The following NUAK1 variants were observed in gnomAD, a reference collection of about 807,000 sequenced individuals.
NUAK1 encodes NUAK family kinase 1.
NUAK1 carries 26 observed loss-of-function variants against 56.9 expected under a neutral mutation model. That is an observed-to-expected ratio of 0.46 (90% confidence interval 0.33 to 0.63). The LOEUF (loss-of-function observed/expected upper bound fraction) is 0.63, where lower values mean the gene tolerates loss of function less well. NUAK1 is among the 30% of genes least tolerant of loss of function. The pLI is 0.02. For missense variants in NUAK1, 727 were observed against 876.1 expected, an observed-to-expected ratio of 0.83 and a Z score of 2.15; for synonymous variants, 337 against 336.0, an observed-to-expected ratio of 1.00 and a Z score of -0.03.
chr12:106,137,199 A>AT (rs932547024), intron 1 of NUAK1, among the ~76,000 whole-genome samples: 4 of 151,926 alleles, frequency 2.6e-5, no homozygotes, highest in African/African-American at 9.7e-5. Flanking sequence ...TGGCACCCCC[A>AT]TGTTTTTTTC....
At chr12:106,082,970 C>G (rs2032533392) in intron 4 of NUAK1, among the ~76,000 whole-genome samples, 1 of 152,186 alleles carries the variant, frequency 6.6e-6, no homozygotes, top group African/African-American at 2.4e-5. Context: ...CATAATGAAA[C>G]CCATGCAGCG....
intron 1 of NUAK1, among the ~76,000 whole-genome samples, chr12:106,137,174 C>T (rs2033138033): frequency 6.6e-6 from 1 of 152,112 alleles, no homozygotes; most frequent in African/African-American, 2.4e-5. Flanking sequence ...AATTTGGGGA[C>T]TGAACTTTGC....
chr12:106,090,327 G>T (rs145758008), intron 2 of NUAK1, among the ~76,000 whole-genome samples: 1 of 152,220 alleles, frequency 6.6e-6, no homozygotes, highest in Non-Finnish European at 1.5e-5. Context: ...GAGCAAAGAA[G>T]ATTTCTAGAT....
intron 2 of NUAK1, among the ~76,000 whole-genome samples, chr12:106,096,771 T>A (rs549011447): frequency 3.3e-5 from 5 of 152,338 alleles, no homozygotes; most frequent in African/African-American, 1.2e-4. Context: ...AATTCACTGA[T>A]GACAAACGAT....
intron 4 of NUAK1, among the ~76,000 whole-genome samples, chr12:106,083,438 GT>G (rs1565920403): frequency 6.6e-6 from 1 of 152,148 alleles, no homozygotes; most frequent in Non-Finnish European, 1.5e-5. Context: ...CTGTGCCTCA[GT>G]TTCCCTATCT....
Position 106,066,862 on chromosome 12 carries a change from G to A in NUAK1, c.1926C>T (p.Asp642=). 2 of 1,614,200 alleles carry A rather than the reference G, an allele frequency of 1.2e-6. No individual in the cohort carries two copies. Among genetic ancestry groups the A allele is most frequent in the Non-Finnish European group, 1.7e-6 (2 of 1,180,030 alleles). The stretch of plus-strand genomic sequence containing the variant: ...TGTAGACCTGAGTCACATCATCCAT[G>A]TCTGTGAGGAGGGAGAAGCTGCTGT... The part of the protein sequence containing the change: ...LADSSFSLLT[D]MDDVTQVYKQ... The change falls in exon 7 of 7, where the codon GAC becomes GAT. Residue 642 remains aspartate (D), a synonymous_variant. Transcript: ENST00000261402.
At chr12:106,099,848 T>A (rs2032730577) in intron 2 of NUAK1, among the ~76,000 whole-genome samples, 1 of 151,690 alleles carries the variant, frequency 6.6e-6, no homozygotes, top group South Asian at 2.1e-4. Context: ...TGGAGTGCAG[T>A]GGCACAAACT....
At chr12:106,099,094 T>C (rs762817229) in intron 2 of NUAK1, among the ~76,000 whole-genome samples, 8 of 152,218 alleles carry the variant, frequency 5.3e-5, no homozygotes, top group Non-Finnish European at 1.2e-4. Context: ...TACTTAGCAT[T>C]AGAAGCCAGT....
intron 1 of NUAK1, among the ~76,000 whole-genome samples, chr12:106,130,212 C>T (rs2033063564): frequency 1.3e-5 from 2 of 152,224 alleles, no homozygotes; most frequent in South Asian, 4.1e-4. Context: ...AAACTCCCAA[C>T]CTCCGGTGAT....
At chr12:106,079,756 T>C (rs1342590731) in intron 4 of NUAK1, among the ~76,000 whole-genome samples, 1 of 152,244 alleles carries the variant, frequency 6.6e-6, no homozygotes, top group African/African-American at 2.4e-5. Context: ...CTGCTGTGTC[T>C]CCAACTGGAA....
chr12:106,128,723 G>A (rs1461242391), intron 1 of NUAK1, among the ~76,000 whole-genome samples: 1 of 152,150 alleles, frequency 6.6e-6, no homozygotes, highest in African/African-American at 2.4e-5. Flanking sequence ...ACAGACGAAA[G>A]TTGAGCCCTA....
At chr12:106,117,861 T>C (rs995166558) in intron 1 of NUAK1, among the ~76,000 whole-genome samples, 3 of 152,206 alleles carry the variant, frequency 2.0e-5, no homozygotes, top group South Asian at 4.1e-4. Flanking sequence ...AAGCAGAGAC[T>C]GCAAGCCAGG....
intron 2 of NUAK1, among the ~76,000 whole-genome samples, chr12:106,093,814 G>A (rs905681042): frequency 1.3e-5 from 2 of 152,122 alleles, no homozygotes; most frequent in African/African-American, 4.8e-5. Context: ...TTGTTTGTTT[G>A]TTGAGACAGG....
chr12:106,099,247 T>A lies in NUAK1; in HGVS notation c.361+7158A>T, dbSNP rs560614063. Among the ~76,000 whole-genome samples the A allele has an allele frequency of 4.6e-5, 7 of 152,340 alleles. No individual in the cohort carries two copies. In the South Asian group the frequency reaches 6.2e-4, roughly 14 times the overall value. On this transcript the variant is annotated intron_variant, in intron 2 of 6. Transcript: ENST00000261402. ...TTTTGAGATTGGGTGAACAGCAGCA[T>A]CACTTCAGTGAAGTCACAGATTTTA...
intron 1 of NUAK1, among the ~76,000 whole-genome samples, chr12:106,113,357 C>T (rs774790593): frequency 3.9e-5 from 6 of 152,114 alleles, no homozygotes; most frequent in Non-Finnish European, 5.9e-5. Flanking sequence ...GCCACAAACC[C>T]GCCTGAAAAG....
At chr12:106,093,595 G>A (rs549209066) in intron 2 of NUAK1, among the ~76,000 whole-genome samples, 6 of 152,184 alleles carry the variant, frequency 3.9e-5, no homozygotes, top group Non-Finnish European at 7.3e-5. Context: ...TGAGGGAAAC[G>A]CTGATGAGTG....
In NUAK1 at chr12:106,138,828, C is replaced by T. The variant is rs2136489183; in HGVS notation, c.-175G>A. ...GTCACTGGCGGCGGCGGGGACTGCA[C>T]ATCTGGCGCCCGCGGCGCGCACGGT... On this transcript the variant is annotated 5_prime_UTR_variant, in exon 1 of 7. The change creates a new upstream start codon in the 5' untranslated region. Coordinates refer to ENST00000261402, the MANE Select transcript of NUAK1 (RefSeq NM_014840.3). The surrounding 1 kb of genome is among the most constrained non-coding windows in gnomAD (Gnocchi z 5.0). The T allele has an allele frequency of 1.2e-6, 1 of 838,966 alleles. No individual in the cohort carries two copies. Among genetic ancestry groups the T allele is most frequent in the South Asian group, 3.5e-5 (1 of 28,610 alleles). The allele number at this position is 838,966 out of a possible 1,614,324, so 52.0% of individuals were successfully genotyped here. A position where few individuals can be genotyped will look rare whatever the true frequency, so the allele number is the denominator to read the frequency against.
chr12:106,092,814 C>T (rs571592226), intron 2 of NUAK1, among the ~76,000 whole-genome samples: 99 of 152,220 alleles, frequency 6.5e-4, no homozygotes, highest in Non-Finnish European at 1.0e-3. Context: ...AACTCAAAAG[C>T]GCATGTTCTC....
Position 106,067,375 on chromosome 12 carries a change from G to C in NUAK1, c.1413C>G (p.Thr471=), listed in dbSNP as rs762861857. The change falls in exon 7 of 7, where the codon ACC becomes ACG. Residue 471 remains threonine (T), a synonymous_variant. Transcript: ENST00000261402. The surrounding 1 kb of genome is among the most constrained non-coding windows in gnomAD (Gnocchi z 6.0). The part of the protein sequence containing the change: ...TMPKKGILKK[T]QQRESGYYSS... ...AGTAGTAACCTGATTCTCTCTGCTGGGTCTTTTTCAAGATGCCTTTCTTGG... is the reference window on the plus strand; with the variant it reads ...AGTAGTAACCTGATTCTCTCTGCTGCGTCTTTTTCAAGATGCCTTTCTTGG... 1 of 1,614,126 alleles carries C rather than the reference G, an allele frequency of 6.2e-7. No homozygotes were observed. Among genetic ancestry groups the C allele is most frequent in the Admixed American group, 1.7e-5 (1 of 60,020 alleles).
Sources: allele counts gnomAD v4.1 joint callset (sites outside exome capture counted in the v4.1 genomes callset), GRCh38; gene constraint gnomAD v4.1.1; non-coding constraint Gnocchi (gnomAD v3.1); transcripts MANE v1.5; gene names NCBI Gene and HGNC (gene_info 2026-07-23, HGNC 2026-07-21).